The following CCDC92 variants were observed in gnomAD, a reference collection of about 807,000 sequenced individuals.
CCDC92 encodes coiled-coil domain-containing protein 92.
Under a neutral mutation model 24.9 loss-of-function variants are expected in CCDC92, and 12 were observed. The observed-to-expected ratio is 0.48, with a 90% CI of 0.31 to 0.78. The LOEUF (loss-of-function observed/expected upper bound fraction) is 0.78. Among genes scored for constraint, CCDC92 ranks in the 30% least tolerant of loss-of-function variants. The probability of loss-of-function intolerance (pLI) is 0.05; values close to 1 mark genes in which losing one functional copy is unlikely to be tolerated. For missense variants in CCDC92, 399 were observed against 439.4 expected (o/e 0.91, Z 0.82); for synonymous variants, 193 against 196.3 (o/e 0.98, Z 0.14).
intron 1 of CCDC92, among the ~76,000 whole-genome samples, chr12:123,959,596 C>T (rs545895043): frequency 6.6e-6 from 1 of 152,298 alleles, no homozygotes; most frequent in Non-Finnish European, 1.5e-5. Flanking sequence ...TGAGCCACCG[C>T]ATGCGGCCTT....
intron 1 of CCDC92, among the ~76,000 whole-genome samples, chr12:123,964,366 T>C (rs1956342988): frequency 6.6e-6 from 1 of 151,740 alleles, no homozygotes; most frequent in South Asian, 2.1e-4. Context: ...TTCATATCTA[T>C]TTTTGTGAAT....
Position 123,936,976 on chromosome 12 carries a change from G to T in CCDC92, c.*82C>A. ...GTGTGAAAAGTGTTTGGCATGCATG[G>T]GATTAAACAGAAAAGGTGTGGCTGA... On this transcript the variant is annotated 3_prime_UTR_variant, in exon 5 of 5. Transcript: ENST00000238156. The T allele has an allele frequency of 6.7e-7, 1 of 1,502,432 alleles. No individual in the cohort carries two copies. Among genetic ancestry groups the T allele is most frequent in the Non-Finnish European group, 9.1e-7 (1 of 1,094,946 alleles). The allele number at this position is 1,502,432 out of a possible 1,614,324, so 93.1% of individuals were successfully genotyped here. A position where few individuals can be genotyped will look rare whatever the true frequency, so the allele number is the denominator to read the frequency against.
intron 1 of CCDC92, among the ~76,000 whole-genome samples, chr12:123,953,812 C>T (rs554027282): frequency 1.7e-5 from 2 of 118,832 alleles, no homozygotes; most frequent in African/African-American, 6.1e-5. Context: ...AAAAATTAGC[C>T]AGGTGTCGTG....
intron 4 of CCDC92, among the ~76,000 whole-genome samples, chr12:123,938,910 C>A (rs1000089831): frequency 1.3e-5 from 2 of 152,120 alleles, no homozygotes; most frequent in African/African-American, 2.4e-5. Context: ...CTCCTCCAGC[C>A]GGCCTTGGTC....
intron 1 of CCDC92, chr12:123,961,074 C>G (rs1475091837): frequency 2.0e-5 from 3 of 152,162 alleles, no homozygotes; most frequent in Non-Finnish European, 4.4e-5. Context: ...AACTAAAGTA[C>G]AAAGAAAACA....
intron 1 of CCDC92, among the ~76,000 whole-genome samples, chr12:123,954,856 C>G (rs1161752029): frequency 6.6e-6 from 1 of 152,240 alleles, no homozygotes. Flanking sequence ...GACCCCACCC[C>G]AGGAGGAGGG....
chr12:123,967,311 A>G (rs1223643983), intron 1 of CCDC92, among the ~76,000 whole-genome samples: 3 of 152,208 alleles, frequency 2.0e-5, no homozygotes, highest in African/African-American at 7.2e-5. Flanking sequence ...CTTCCTTGAA[A>G]ATGACAGGCC....
At chr12:123,956,099 T>C (rs893183461) in intron 1 of CCDC92, among the ~76,000 whole-genome samples, 1 of 152,216 alleles carries the variant, frequency 6.6e-6, no homozygotes. Flanking sequence ...ATTAAAATAG[T>C]CCAACAACAG....
chr12:123,950,230 T>C (rs923004778), intron 1 of CCDC92, among the ~76,000 whole-genome samples: 12 of 152,192 alleles, frequency 7.9e-5, no homozygotes, highest in African/African-American at 2.9e-4. Flanking sequence ...AAGTCTCTAA[T>C]ACTTTGAAAC....
Position 123,937,559 on chromosome 12 carries a change from G to A in CCDC92, c.495C>T (p.Ala165=). ...IAYLTSQLHA[A]KKKLMSSSGT... ...CGCTGGAGCTCATGAGCTTCTTCTT[G>A]GCGGCGTGCAGCTGGGAGGTCAGGT... Residue 165 remains alanine, a synonymous_variant, in exon 5 of 5, where the codon GCC becomes GCT. Transcript: ENST00000238156. The surrounding 1 kb of genome is among the most constrained non-coding windows in gnomAD (Gnocchi z 8.4). 6.2e-7 allele frequency: 1 copy of A among 1,612,848 alleles called. No individual in the cohort carries two copies. Among genetic ancestry groups the A allele is most frequent in the Admixed American group, 1.7e-5 (1 of 60,022 alleles).
In CCDC92 at chr12:123,936,184, C is replaced by T. The variant is rs1022739392; in HGVS notation, c.*874G>A. The T allele has an allele frequency of 6.6e-6, 1 of 152,618 alleles. No individual in the cohort carries two copies. Among genetic ancestry groups the T allele is most frequent in the African/African-American group, 2.4e-5 (1 of 41,440 alleles). 9.5% of individuals were successfully genotyped at this position (152,618 alleles called of 1,614,324 possible). ...CCTGGAGGTGAGGGGTGGCTTCACTCCATGAGGGAGGAGAGGGGCTAGCAC... is the reference window on the plus strand; with the variant it reads ...CCTGGAGGTGAGGGGTGGCTTCACTTCATGAGGGAGGAGAGGGGCTAGCAC... On this transcript the variant is annotated 3_prime_UTR_variant, in exon 5 of 5. Transcript: ENST00000238156.
intron 1 of CCDC92, chr12:123,962,443 A>G (rs984663016): frequency 2.6e-5 from 4 of 152,254 alleles, no homozygotes; most frequent in East Asian, 1.9e-4. Flanking sequence ...TATTAATAAT[A>G]CAATTTCATG....
Position 123,937,625 on chromosome 12 carries a change from C to T in CCDC92, c.429G>A (p.Leu143=), listed in dbSNP as rs1955558841. The stretch of plus-strand genomic sequence containing the variant: ...CCCGCTGCTCCAGCTCGCTAGACAG[C>T]AGGGTCAGCTTGTGACTCTTGGCCT... ...ELKAKSHKLT[L]LSSELEQRAS... Residue 143 remains leucine (L), a synonymous_variant, in exon 5 of 5, where the codon CTG becomes CTA. Transcript: ENST00000238156. The surrounding 1 kb of genome is among the most constrained non-coding windows in gnomAD (Gnocchi z 8.4). The T allele has an allele frequency of 6.2e-7, 1 of 1,613,888 alleles. No individual in the cohort carries two copies. Among genetic ancestry groups the T allele is most frequent in the Non-Finnish European group, 8.5e-7 (1 of 1,180,016 alleles).
chr12:123,947,986 C>T (rs184928516), intron 1 of CCDC92, among the ~76,000 whole-genome samples: 11 of 152,232 alleles, frequency 7.2e-5, no homozygotes, highest in Admixed American at 1.3e-4. Flanking sequence ...CGAACACATC[C>T]GAACATCAGA....
chr12:123,952,325 T>A (rs1956046507), intron 1 of CCDC92, among the ~76,000 whole-genome samples: 1 of 152,282 alleles, frequency 6.6e-6, no homozygotes, highest in East Asian at 1.9e-4. Context: ...ATAGAAGCAT[T>A]TTCTGGGACC....
intron 2 of CCDC92, chr12:123,943,914 A>G: frequency 2.2e-6 from 1 of 452,696 alleles, no homozygotes; most frequent in Non-Finnish European, 3.9e-6. Context: ...CTCTCCACGC[A>G]CCACCTCACC....
intron 1 of CCDC92, among the ~76,000 whole-genome samples, chr12:123,969,470 T>G (rs1229801523): frequency 7.1e-6 from 1 of 140,956 alleles, no homozygotes; most frequent in East Asian, 2.0e-4. Context: ...AGTTTTTTTT[T>G]TTTTTTTTTT....
At position 123,943,442 on chromosome 12, in the gene CCDC92, C is replaced by A; in HGVS notation, c.86G>T (p.Ser29Ile). Residue 29 changes from serine (S) to isoleucine (I), a missense_variant, in exon 3 of 5, where the codon AGC (serine) becomes ATC (isoleucine). By Grantham distance (142) the Ser-to-Ile change is moderately radical. Transcript: ENST00000238156. ...AAGGAACAGGAGGTTCTTCTGTGCG[C>A]TGTGCAGCTGGTTCTCCAGGTTTGT... Reference protein sequence around the residue: ...AATNLENQLHSAQKNLLFLQR... With the variant: ...AATNLENQLHIAQKNLLFLQR... 3 of 1,614,218 alleles carry A rather than the reference C, an allele frequency of 1.9e-6. No individual in the cohort carries two copies. Among genetic ancestry groups the A allele is most frequent in the Non-Finnish European group, 2.5e-6 (3 of 1,180,040 alleles).
chr12:123,961,585 A>G (rs372064729), intron 1 of CCDC92, among the ~76,000 whole-genome samples: 1 of 152,228 alleles, frequency 6.6e-6, no homozygotes, highest in East Asian at 1.9e-4. Context: ...AAGATAAGCA[A>G]TGGGGAAAAG....
Sources: allele counts gnomAD v4.1 joint callset (sites outside exome capture counted in the v4.1 genomes callset), GRCh38; gene constraint gnomAD v4.1.1; non-coding constraint Gnocchi (gnomAD v3.1); transcripts MANE v1.5; gene names NCBI Gene and HGNC (gene_info 2026-07-23, HGNC 2026-07-21).